Variants in ADGRB3 observed in about 807,000 individuals in gnomAD.
The protein encoded by ADGRB3 is adhesion G protein-coupled receptor B3, also known as brain-specific angiogenesis inhibitor 3.
In ADGRB3, 37 loss-of-function variants were observed where a neutral mutation model predicts 193.4. That is an observed-to-expected ratio of 0.19 (90% CI 0.15 to 0.25). The LOEUF is 0.25. Among genes scored for constraint, ADGRB3 ranks in the 10% least tolerant of loss-of-function variants. The probability of loss-of-function intolerance (pLI) is 1.00; values close to 1 mark genes in which losing one functional copy is unlikely to be tolerated. For synonymous variants in ADGRB3, 690 were observed against 644.2 expected (o/e 1.07, Z -1.08); for missense variants, 1,637 against 1,852.9 (o/e 0.88, Z 2.14).
intron 17 of ADGRB3, among the ~76,000 whole-genome samples, chr6:69,185,883 A>T (rs1157898603): frequency 1.3e-5 from 2 of 151,882 alleles, no homozygotes; most frequent in Non-Finnish European, 2.9e-5. Flanking sequence ...TATTTCCAAT[A>T]AAAAAATCTG....
rs572600173 is a variant in ADGRB3, at chr6:69,250,918, A to G, written c.2814+11692A>G. ...ACACTTGGAATGAAATCCAAACCAC[A>G]TAATATGGCCCACAAGCCCCAACAT... On this transcript the variant is annotated intron_variant, in intron 20 of 31. Transcript: ENST00000370598. 3.9e-5 allele frequency among the ~76,000 whole-genome samples: 6 copies of G among 152,316 alleles called. No individual in the cohort carries two copies. In the East Asian group the frequency reaches 9.6e-4, roughly 24 times the overall value.
At chr6:69,234,108 A>C (rs1237488820) in intron 18 of ADGRB3, among the ~76,000 whole-genome samples, 2 of 152,174 alleles carry the variant, frequency 1.3e-5, no homozygotes, top group African/African-American at 2.4e-5. Context: ...TTCTGCCTAC[A>C]TTTGGCCTAA....
chr6:69,356,453 G>A (rs777817953), intron 28 of ADGRB3, among the ~76,000 whole-genome samples: 9 of 152,024 alleles, frequency 5.9e-5, no homozygotes, highest in Non-Finnish European at 1.0e-4. Context: ...TCTTAAAATG[G>A]AAGGACTGTA....
At chr6:68,722,087 C>T (rs887776872) in intron 3 of ADGRB3, among the ~76,000 whole-genome samples, 3 of 151,576 alleles carry the variant, frequency 2.0e-5, no homozygotes, top group African/African-American at 7.3e-5. Flanking sequence ...TCATTTCCTA[C>T]TAAATCATTA....
intron 6 of ADGRB3, among the ~76,000 whole-genome samples, chr6:68,948,843 A>G (rs1767841568): frequency 6.6e-6 from 1 of 152,114 alleles, no homozygotes; most frequent in Non-Finnish European, 1.5e-5. Context: ...TGACATATAT[A>G]TATAAATGGA....
In ADGRB3 at chr6:69,073,181, T is replaced by C. The variant is rs142565007; in HGVS notation, c.2437-2814T>C. 5.5e-4 allele frequency among the ~76,000 whole-genome samples: 84 copies of C among 152,312 alleles called. 1 individual carries two copies. Among genetic ancestry groups the C allele is most frequent in the African/African-American group, 1.9e-3 (78 of 41,560 alleles). ...ACTTCTATAGGACTATGACCTTTTT[T>C]CAGGAAAGACAGTGTTATTATACTG... On this transcript the variant is annotated intron_variant, in intron 16 of 31. Coordinates refer to ENST00000370598, the MANE Select transcript of ADGRB3 (RefSeq NM_001704.3).
chr6:69,335,172 C>G (rs555453657), intron 24 of ADGRB3, among the ~76,000 whole-genome samples: 1 of 151,246 alleles, frequency 6.6e-6, no homozygotes, highest in African/African-American at 2.4e-5. Context: ...AAGTGAATAC[C>G]CTTATTTTTT....
chr6:68,771,891 T>C (rs1224690087), intron 3 of ADGRB3, among the ~76,000 whole-genome samples: 2 of 152,054 alleles, frequency 1.3e-5, no homozygotes, highest in African/African-American at 4.8e-5. Flanking sequence ...CCAGGTTCAA[T>C]TGCAATCAGC....
At chr6:68,795,882 G>A (rs919205697) in intron 3 of ADGRB3, among the ~76,000 whole-genome samples, 3 of 152,046 alleles carry the variant, frequency 2.0e-5, no homozygotes, top group African/African-American at 7.2e-5. Flanking sequence ...ATCTGTCTAT[G>A]AGCTTGACTG....
At chr6:69,117,418 G>A (rs1482686966) in intron 17 of ADGRB3, among the ~76,000 whole-genome samples, 1 of 152,102 alleles carries the variant, frequency 6.6e-6, no homozygotes, top group Non-Finnish European at 1.5e-5. Flanking sequence ...GATTTTTGTG[G>A]CTCTCAGGCT....
chr6:68,830,834 A>G (rs1404620912), intron 3 of ADGRB3, among the ~76,000 whole-genome samples: 1 of 152,010 alleles, frequency 6.6e-6, no homozygotes, highest in Non-Finnish European at 1.5e-5. Context: ...GGAGGGAAAT[A>G]AGGGACAGTG....
intron 17 of ADGRB3, among the ~76,000 whole-genome samples, chr6:69,224,226 T>C (rs1765959643): frequency 1.3e-5 from 2 of 152,266 alleles, no homozygotes; most frequent in Non-Finnish European, 1.5e-5. Flanking sequence ...AGCTAGTTGA[T>C]ATTAAATTGG....
intron 11 of ADGRB3, among the ~76,000 whole-genome samples, chr6:69,003,971 G>A (rs1227305420): frequency 6.6e-6 from 1 of 152,108 alleles, no homozygotes; most frequent in Non-Finnish European, 1.5e-5. Context: ...AATTAGTTTG[G>A]TCGAGTTTTT....
chr6:69,138,824 A>C (rs1163768131), intron 17 of ADGRB3, among the ~76,000 whole-genome samples: 1 of 152,254 alleles, frequency 6.6e-6, no homozygotes, highest in African/African-American at 2.4e-5. Context: ...TAATTCAAAT[A>C]ACTAAGGGAA....
chr6:68,948,044 C>T (rs1049921574), intron 6 of ADGRB3, among the ~76,000 whole-genome samples: 4 of 152,018 alleles, frequency 2.6e-5, no homozygotes, highest in East Asian at 1.9e-4. Flanking sequence ...TGTTCTGAAC[C>T]GGATGCTGTT....
intron 10 of ADGRB3, among the ~76,000 whole-genome samples, chr6:68,983,714 G>A (rs74583522): frequency 6.6e-6 from 1 of 151,974 alleles, no homozygotes; most frequent in East Asian, 1.9e-4. Flanking sequence ...TAAATTCAAT[G>A]TAAATATAAA....
At chr6:68,808,003 T>G (rs1301200804) in intron 3 of ADGRB3, among the ~76,000 whole-genome samples, 1 of 152,176 alleles carries the variant, frequency 6.6e-6, no homozygotes. Flanking sequence ...ACAATAACTT[T>G]GTTATGCCTT....
chr6:68,685,243 C>T (rs1764961372), intron 3 of ADGRB3, among the ~76,000 whole-genome samples: 1 of 152,036 alleles, frequency 6.6e-6, no homozygotes, highest in South Asian at 2.1e-4. Context: ...TGAAGATTTT[C>T]AGGGTGCCAA....
chr6:68,865,815 C>T (rs1034149239), intron 3 of ADGRB3, among the ~76,000 whole-genome samples: 1 of 152,108 alleles, frequency 6.6e-6, no homozygotes, highest in African/African-American at 2.4e-5. Flanking sequence ...AGACCTAAGC[C>T]AAATCAGTAA....
Sources: allele counts gnomAD v4.1 joint callset (sites outside exome capture counted in the v4.1 genomes callset), GRCh38; gene constraint gnomAD v4.1.1; transcripts MANE v1.5; gene names NCBI Gene and HGNC (gene_info 2026-07-23, HGNC 2026-07-21).